UPB1: variants seen among roughly 807,000 people sequenced by gnomAD.
UPB1 encodes the protein beta-ureidopropionase 1.
Under a neutral mutation model 49.1 loss-of-function variants are expected in UPB1, and 40 were observed. The observed-to-expected ratio is 0.81, with a 90% CI of 0.63 to 1.06. The LOEUF is 1.06. Ranked by LOEUF, UPB1 falls within the 50% of genes least tolerant of loss-of-function variation. The pLI is 0.00. For synonymous variants in UPB1, 207 were observed against 198.2 expected, an observed-to-expected ratio of 1.04 and a Z score of -0.38; for missense variants, 499 against 505.9, an observed-to-expected ratio of 0.99 and a Z score of 0.13.
chr22:24,513,329 G>A lies in UPB1; in HGVS notation c.465G>A (p.Ala155=), dbSNP rs766970389. The A allele has an allele frequency of 5.3e-5, 86 of 1,614,048 alleles. No individual in the cohort carries two copies. Among genetic ancestry groups the A allele is most frequent in the Non-Finnish European group, 6.9e-5 (82 of 1,180,038 alleles). ...GPTTRFCQKL[A]KNHDMVVVSP... ...CATATTTATCATTTTTCCAGCTGGC[G>A]AAGAACCATGACATGGTGGTGGTGT... Residue 155 remains alanine (A), a synonymous_variant, in exon 5 of 10, where the codon GCG becomes GCA. Transcript: ENST00000326010.
At chr22:24,501,659 G>A (rs1244600214) in intron 2 of UPB1, among the ~76,000 whole-genome samples, 1 of 152,192 alleles carries the variant, frequency 6.6e-6, no homozygotes, top group Non-Finnish European at 1.5e-5. Context: ...CAAAGCACGG[G>A]GATTTAAAAG....
chr22:24,522,090 T>C, intron 8 of UPB1, 62 bp downstream of exon 8: 1 of 1,582,460 alleles, frequency 6.3e-7, no homozygotes, highest in Non-Finnish European at 8.6e-7. Context: ...CCCTTCTCTG[T>C]CTGCTTCCTC....
intron 3 of UPB1, among the ~76,000 whole-genome samples, chr22:24,506,876 T>C (rs929142766): frequency 6.6e-6 from 1 of 152,160 alleles, no homozygotes; most frequent in African/African-American, 2.4e-5. Context: ...CTAGCACAGG[T>C]ACCCCTCCTT....
rs142372903 is a variant in UPB1 at position 24,510,775 on chromosome 22, G to A, written c.391G>A (p.Glu131Lys). 3.8e-5 allele frequency: 61 copies of A among 1,614,058 alleles called. No individual in the cohort carries two copies. Among genetic ancestry groups the A allele is most frequent in the Non-Finnish European group, 5.1e-5 (60 of 1,180,024 alleles). ...WTMPFAFCTR[E>K]KLPWTEFAES... ...TATGCCCTTTGCCTTCTGTACGAGA[G>A]AGAAGCTTCCTTGGACAGAATTTGC... is the stretch of plus-strand genomic sequence containing the variant. Residue 131 changes from glutamate (E) to lysine (K), a missense_variant, in exon 4 of 10, where the codon GAG (glutamate) becomes AAG (lysine). Glu to Lys is a moderately conservative substitution (Grantham distance 56, BLOSUM62 1). Coordinates refer to ENST00000326010, the MANE Select transcript of UPB1 (RefSeq NM_016327.3).
chr22:24,505,957 C>G (rs2044082213), intron 3 of UPB1, among the ~76,000 whole-genome samples: 1 of 151,238 alleles, frequency 6.6e-6, no homozygotes, highest in Non-Finnish European at 1.5e-5. Flanking sequence ...AGGTGATCCA[C>G]CCACCTCAGC....
rs931757478 is a variant in UPB1, at chr22:24,527,724, C to T, written c.*1930C>T. 1 of 152,002 alleles carries T rather than the reference C, an allele frequency of 6.6e-6. No homozygotes were observed. Among genetic ancestry groups the T allele is most frequent in the Non-Finnish European group, 1.5e-5 (1 of 68,048 alleles). The allele number at this position is 152,002 out of a possible 1,614,324, so 9.4% of individuals were successfully genotyped here. A position where few individuals can be genotyped will look rare whatever the true frequency, so the allele number is the denominator to read the frequency against. On this transcript the variant is annotated 3_prime_UTR_variant, in exon 10 of 10. Coordinates refer to ENST00000326010, the MANE Select transcript of UPB1 (RefSeq NM_016327.3). Reference sequence around the variant, plus strand: ...GAGAAACCCTGATGGAGCTGCCTGGCCACAGCTCTGCGGTAACTTCCTTGA... The same window carrying T: ...GAGAAACCCTGATGGAGCTGCCTGGTCACAGCTCTGCGGTAACTTCCTTGA...
intron 3 of UPB1, among the ~76,000 whole-genome samples, chr22:24,506,445 C>T (rs1289494200): frequency 6.6e-6 from 1 of 152,236 alleles, no homozygotes; most frequent in Non-Finnish European, 1.5e-5. Context: ...ATCTTCTCTA[C>T]TGCTAGCGGG....
At chr22:24,508,669 G>A (rs1371652527) in intron 3 of UPB1, among the ~76,000 whole-genome samples, 1 of 152,158 alleles carries the variant, frequency 6.6e-6, no homozygotes, top group African/African-American at 2.4e-5. Context: ...CCTGAGGTCA[G>A]GAGTTTGAGA....
intron 6 of UPB1, among the ~76,000 whole-genome samples, chr22:24,517,955 A>G (rs763429611): frequency 2.7e-4 from 41 of 152,338 alleles, no homozygotes; most frequent in Middle Eastern, 6.8e-3. Context: ...ACTTGAGGTC[A>G]GGAGTTTGAG....
At chr22:24,508,421 TGGTGGC>T (rs1280145181) in intron 3 of UPB1, among the ~76,000 whole-genome samples, 1 of 151,508 alleles carries the variant, frequency 6.6e-6, no homozygotes, top group Admixed American at 6.6e-5. Flanking sequence ...TAGCTGGATG[TGGTGGC>T]GGGCACCTGT....
chr22:24,500,313 C>T lies in UPB1; in HGVS notation c.276+35C>T, dbSNP rs370321525. Reference sequence around the variant, plus strand: ...CTTTTGACCATAATAAATACACAAACAGGGTTGTGGCCTGCCCTTGGAGCA... The same window carrying T: ...CTTTTGACCATAATAAATACACAAATAGGGTTGTGGCCTGCCCTTGGAGCA... On this transcript the variant is annotated intron_variant, in intron 2 of 9. Coordinates refer to ENST00000326010, the MANE Select transcript of UPB1 (RefSeq NM_016327.3). The T allele has an allele frequency of 9.9e-6, 16 of 1,612,274 alleles. No homozygotes were observed. In the African/African-American group the frequency reaches 1.9e-4, roughly 19 times the overall value.
intron 7 of UPB1, 39 bp downstream of exon 7, chr22:24,520,507 C>T (rs2044370476): frequency 1.9e-6 from 3 of 1,594,286 alleles, no homozygotes; most frequent in Non-Finnish European, 2.6e-6. Flanking sequence ...GAGCCACCAC[C>T]TGGTGGCTCT....
At position 24,511,209 on chromosome 22, in the gene UPB1, G is replaced by A. The variant is rs9624489; in HGVS notation, c.459+366G>A. On this transcript the variant is annotated intron_variant, in intron 4 of 9. Transcript: ENST00000326010. The stretch of plus-strand genomic sequence containing the variant: ...GCATGCTCCACTGCAGTTTGCTTGA[G>A]TCACAGAAGCTTCGATGCATGGCCT... 1.5e-3 allele frequency among the ~76,000 whole-genome samples: 228 copies of A among 152,316 alleles called. 4 individuals are homozygous for A. Among genetic ancestry groups the A allele is most frequent in the Middle Eastern group, 0.01 (3 of 294 alleles).
At chr22:24,509,485 C>T (rs2044157743) in intron 3 of UPB1, among the ~76,000 whole-genome samples, 1 of 150,238 alleles carries the variant, frequency 6.7e-6, no homozygotes, top group Non-Finnish European at 1.5e-5. Context: ...GAGCATTAAT[C>T]CTTGCAGATG....
chr22:24,520,528 C>A (rs886512946), intron 7 of UPB1, 60 bp downstream of exon 7: 18 of 1,579,262 alleles, frequency 1.1e-5, no homozygotes, highest in Non-Finnish European at 1.4e-5. Context: ...GGTGGGGACA[C>A]CCCGTTCCCT....
intron 4 of UPB1, among the ~76,000 whole-genome samples, 185 bp downstream of exon 4, chr22:24,511,028 G>A (rs1329801188): frequency 6.6e-6 from 1 of 152,016 alleles, no homozygotes; most frequent in Non-Finnish European, 1.5e-5. Context: ...GAATTGGGGC[G>A]TGTAAGGCTC....
At chr22:24,522,769 T>TAA (rs1353652421) in intron 8 of UPB1, among the ~76,000 whole-genome samples, 78 of 126,342 alleles carry the variant, frequency 6.2e-4, no homozygotes, top group African/African-American at 2.1e-3. Context: ...CAGTCTCTAC[T>TAA]AAAAAAAAAA....
rs546746632 is a variant in UPB1 at position 24,517,597 on chromosome 22, T to C, written c.791+2227T>C. Among the ~76,000 whole-genome samples, 285 of 152,338 alleles carry C rather than the reference T, an allele frequency of 1.9e-3. 2 individuals carry two copies. Among genetic ancestry groups the C allele is most frequent in the Non-Finnish European group, 3.2e-3 (218 of 68,014 alleles). ...TCCCTGACCCTCCTATCTCAGGCTT[T>C]TATTGGCTCCAGTTAGGCAAACAGA... On this transcript the variant is annotated intron_variant, in intron 6 of 9. Transcript: ENST00000326010.
intron 3 of UPB1, among the ~76,000 whole-genome samples, chr22:24,507,853 A>AAGGT (rs1452096525): frequency 6.6e-6 from 1 of 152,094 alleles, no homozygotes; most frequent in East Asian, 1.9e-4. Flanking sequence ...TTAAAGGGCT[A>AAGGT]AGGTGGGAGG....
Sources: allele counts gnomAD v4.1 joint callset (sites outside exome capture counted in the v4.1 genomes callset), GRCh38; gene constraint gnomAD v4.1.1; transcripts MANE v1.5; gene names NCBI Gene and HGNC (gene_info 2026-07-23, HGNC 2026-07-21).